The following CLSTN2 variants were observed in gnomAD, a reference collection of about 807,000 sequenced individuals.
CLSTN2 encodes the protein calsyntenin-2.
A neutral mutation model predicts 101.2 loss-of-function variants in CLSTN2; 48 were observed. The observed-to-expected ratio is 0.47, with a 90% CI of 0.38 to 0.60. The LOEUF (loss-of-function observed/expected upper bound fraction) is 0.60, where lower values mean the gene tolerates loss of function less well. Ranked by LOEUF, CLSTN2 falls within the 20% of genes least tolerant of loss-of-function variation. CLSTN2 has a pLI of 0.00. For synonymous variants in CLSTN2, 481 were observed against 463.6 expected (o/e 1.04, Z -0.48); for missense variants, 1,160 against 1,238.2 (o/e 0.94, Z 0.95).
intron 4 of CLSTN2, among the ~76,000 whole-genome samples, chr3:140,414,896 C>A (rs2088410972): frequency 6.6e-6 from 1 of 151,620 alleles, no homozygotes; most frequent in Non-Finnish European, 1.5e-5. Flanking sequence ...AAGAACAAAC[C>A]TGGAGGTATT....
chr3:140,111,133 T>C (rs775120340), intron 1 of CLSTN2, among the ~76,000 whole-genome samples: 7 of 152,190 alleles, frequency 4.6e-5, no homozygotes, highest in Non-Finnish European at 1.0e-4. Context: ...AGGGGGCCAG[T>C]GATTCTATTA....
intron 4 of CLSTN2, among the ~76,000 whole-genome samples, chr3:140,415,486 C>CAAAAAAAAA (rs751616049): frequency 0.024 from 1,381 of 56,756 alleles, 2 homozygotes; most frequent in South Asian, 0.03. Context: ...CACAAAATAG[C>CAAAAAAAAA]AAAAAAAAAA....
intron 1 of CLSTN2, among the ~76,000 whole-genome samples, chr3:140,001,251 C>G (rs1224282299): frequency 6.6e-6 from 1 of 151,996 alleles, no homozygotes; most frequent in African/African-American, 2.4e-5. Flanking sequence ...AGCTCTTGTG[C>G]TCTTCTCTTC....
chr3:140,398,092 C>G (rs1456422029), intron 2 of CLSTN2, among the ~76,000 whole-genome samples: 1 of 152,112 alleles, frequency 6.6e-6, no homozygotes. Context: ...GCCACACATT[C>G]AAGTTTGAAT....
chr3:140,243,281 C>G (rs1576481489), intron 2 of CLSTN2, among the ~76,000 whole-genome samples: 1 of 152,210 alleles, frequency 6.6e-6, no homozygotes, highest in African/African-American at 2.4e-5. Flanking sequence ...CGTGATTACT[C>G]ACTCTCCAAG....
intron 2 of CLSTN2, among the ~76,000 whole-genome samples, chr3:140,393,801 C>T (rs961706170): frequency 9.9e-5 from 15 of 152,128 alleles, no homozygotes; most frequent in African/African-American, 3.6e-4. Context: ...ACAATTTATC[C>T]AGATCTTGTA....
intron 2 of CLSTN2, among the ~76,000 whole-genome samples, chr3:140,387,342 A>C (rs2088064445): frequency 6.6e-6 from 1 of 152,162 alleles, no homozygotes; most frequent in African/African-American, 2.4e-5. Context: ...ATTCTCTGTT[A>C]GTTGATGAAG....
intron 5 of CLSTN2, among the ~76,000 whole-genome samples, chr3:140,423,228 G>A (rs1230940815): frequency 2.0e-5 from 3 of 152,218 alleles, no homozygotes; most frequent in Non-Finnish European, 2.9e-5. Flanking sequence ...TGGTCACAAT[G>A]TTTAACTCTA....
At chr3:140,272,215 G>T (rs1168952673) in intron 2 of CLSTN2, among the ~76,000 whole-genome samples, 1 of 152,150 alleles carries the variant, frequency 6.6e-6, no homozygotes, top group African/African-American at 2.4e-5. Flanking sequence ...GAACAACCTA[G>T]ATCTAGGCTC....
chr3:140,300,382 T>C (rs2087046401), intron 2 of CLSTN2, among the ~76,000 whole-genome samples: 1 of 152,200 alleles, frequency 6.6e-6, no homozygotes, highest in South Asian at 2.1e-4. Context: ...GTCTTGCCTT[T>C]CTTCCTTCAG....
chr3:140,227,289 G>T (rs1015596433), intron 2 of CLSTN2, among the ~76,000 whole-genome samples: 3 of 152,164 alleles, frequency 2.0e-5, no homozygotes, highest in Non-Finnish European at 2.9e-5. Context: ...GGGGCTACAG[G>T]CTCCATGCAA....
rs538640417 is a variant in CLSTN2, at chr3:140,260,632, G to A, written c.232+84559G>A. ...CCAGTTTTTTTATTCATAGCTTACT[G>A]TAGTATGATGCATTAATTACAACTA... On this transcript the variant is annotated intron_variant, in intron 2 of 16. Coordinates refer to ENST00000458420, the MANE Select transcript of CLSTN2 (RefSeq NM_022131.3). Among the ~76,000 whole-genome samples, 39 of 152,226 alleles carry A rather than the reference G, an allele frequency of 2.6e-4. No individual in the cohort carries two copies. In the South Asian group the frequency reaches 7.9e-3, roughly 31 times the overall value.
intron 1 of CLSTN2, among the ~76,000 whole-genome samples, chr3:140,037,742 T>A (rs762835423): frequency 6.6e-6 from 1 of 152,104 alleles, no homozygotes; most frequent in Non-Finnish European, 1.5e-5. Flanking sequence ...GTTCCCCCCA[T>A]GTGTTCATGA....
intron 2 of CLSTN2, among the ~76,000 whole-genome samples, chr3:140,253,268 G>A (rs1173091111): frequency 6.6e-6 from 1 of 152,118 alleles, no homozygotes; most frequent in African/African-American, 2.4e-5. Context: ...GGCTAGTCAA[G>A]GTCAGCGTGT....
At position 140,404,670 on chromosome 3, in the gene CLSTN2, G is replaced by A. The variant is rs972056662; in HGVS notation, c.541G>A (p.Val181Met). The change falls in exon 4 of 17, where the codon GTG becomes ATG. Residue 181 changes from valine to methionine, a missense_variant. Transcript: ENST00000458420. ...CAAGATCTATGACAGCATTCTGCAG[G>A]TGGAGGCCATTGACGAGGACTGCTC... ...EGKIYDSILQVEAIDEDCSPQ... is the reference protein window; with the variant it reads ...EGKIYDSILQMEAIDEDCSPQ... 6.2e-7 allele frequency: 1 copy of A among 1,614,208 alleles called. No individual in the cohort carries two copies. The highest frequency in any genetic ancestry group is 2.2e-5 in the East Asian group (1 of 44,884).
chr3:140,371,067 G>A (rs1306942294), intron 2 of CLSTN2, among the ~76,000 whole-genome samples: 1 of 152,142 alleles, frequency 6.6e-6, no homozygotes, highest in Admixed American at 6.5e-5. Context: ...TGTCTTTCTG[G>A]CAAACACCTT....
intron 4 of CLSTN2, among the ~76,000 whole-genome samples, chr3:140,412,610 A>C (rs1467364366): frequency 6.6e-6 from 1 of 152,224 alleles, no homozygotes; most frequent in Admixed American, 6.5e-5. Context: ...CTAATATTCA[A>C]AATGAATGCC....
At chr3:140,373,863 A>C (rs1428057526) in intron 2 of CLSTN2, among the ~76,000 whole-genome samples, 1 of 152,164 alleles carries the variant, frequency 6.6e-6, no homozygotes, top group Non-Finnish European at 1.5e-5. Context: ...GGAGTGCTAA[A>C]ATGGGCCATT....
At position 140,404,644 on chromosome 3, in the gene CLSTN2, GCAAGATCTATGACA is replaced by G; in HGVS notation, c.516_529del (p.Lys173HisfsTer8). 1 of 1,614,202 alleles carries G rather than the reference GCAAGATCTATGACA, an allele frequency of 6.2e-7. No homozygotes were observed. Among genetic ancestry groups the G allele is most frequent in the Non-Finnish European group, 8.5e-7 (1 of 1,180,040 alleles). On this transcript the variant is annotated frameshift_variant, in exon 4 of 17. Transcript: ENST00000458420. LOFTEE classifies it high-confidence loss of function. ...GCCTACAAGGCTGTTGTGACGGAGG[GCAAGATCTATGACA>G]GCATTCTGCAGGTGGAGGCCATTGA...
Sources: allele counts gnomAD v4.1 joint callset (sites outside exome capture counted in the v4.1 genomes callset), GRCh38; gene constraint gnomAD v4.1.1; transcripts MANE v1.5; gene names NCBI Gene and HGNC (gene_info 2026-07-23, HGNC 2026-07-21).